ZDHHC6: variants seen among roughly 807,000 people sequenced by gnomAD.
The protein encoded by ZDHHC6 is zDHHC palmitoyltransferase 6.
In ZDHHC6, 32 loss-of-function variants were observed where a neutral mutation model predicts 57.8. The observed-to-expected ratio is 0.55, with a 90% CI of 0.42 to 0.74. The LOEUF (loss-of-function observed/expected upper bound fraction) is 0.74, where lower values mean the gene tolerates loss of function less well. Ranked by LOEUF, ZDHHC6 falls within the 30% of genes least tolerant of loss-of-function variation. ZDHHC6 has a pLI of 0.00. For synonymous variants in ZDHHC6, 128 were observed against 158.0 expected, an observed-to-expected ratio of 0.81 and a Z score of 1.42; for missense variants, 433 against 500.7, an observed-to-expected ratio of 0.86 and a Z score of 1.29.
chr10:112,442,517 TTAAG>T (rs762549089), intron 3 of ZDHHC6, among the ~76,000 whole-genome samples, 166 bp from the exon 4 acceptor site: 1 of 152,164 alleles, frequency 6.6e-6, no homozygotes, highest in Non-Finnish European at 1.5e-5. Flanking sequence ...TTTTAAACAA[TTAAG>T]TGACTCCTTT....
At position 112,445,621 on chromosome 10, in the gene ZDHHC6, A is replaced by T; in HGVS notation, c.-185T>A. The T allele has an allele frequency of 1.4e-6, 1 of 691,326 alleles. No homozygotes were observed. Among genetic ancestry groups the T allele is most frequent in the Non-Finnish European group, 2.3e-6 (1 of 429,926 alleles). 42.8% of individuals were successfully genotyped at this position (691,326 alleles called of 1,614,324 possible). A position where few individuals can be genotyped will look rare whatever the true frequency, so the allele number is the denominator to read the frequency against. On this transcript the variant is annotated 5_prime_UTR_variant, in exon 2 of 11. Transcript: ENST00000369405. ...CCCAAAGCTCTTTATCTTAACTAGG[A>T]GAATCCAGTGTCTTGGTCTGAAACC... is the stretch of plus-strand genomic sequence containing the variant.
downstream of ZDHHC6, chr10:112,428,513 C>A (rs115029869): frequency 3.4e-3 from 1,348 of 397,844 alleles, 17 homozygotes; most frequent in African/African-American, 0.025. Context: ...TAAAAAGACA[C>A]TAATGCCCAG....
intron 3 of ZDHHC6, 77 bp downstream of exon 3, chr10:112,443,438 T>C (rs1846328791): frequency 1.9e-5 from 24 of 1,250,254 alleles, no homozygotes; most frequent in Non-Finnish European, 2.8e-5. Context: ...GAAGTAGCAC[T>C]AATGTAGTAT....
downstream of ZDHHC6, chr10:112,426,741 A>C (rs1259971521): frequency 3.9e-6 from 6 of 1,556,330 alleles, no homozygotes; most frequent in Non-Finnish European, 5.3e-6. Flanking sequence ...TTAGCCCTTC[A>C]GGCTTTTTGA....
At chr10:112,447,317 C>G, upstream of ZDHHC6, 1 of 1,570,566 alleles carries the variant, frequency 6.4e-7, no homozygotes, top group Non-Finnish European at 8.6e-7. Flanking sequence ...CTCGCTGCCC[C>G]TCGAGGCCCT....
chr10:112,441,905 T>C (rs1846153006), intron 4 of ZDHHC6, among the ~76,000 whole-genome samples: 2 of 152,252 alleles, frequency 1.3e-5, no homozygotes, highest in Non-Finnish European at 2.9e-5. Flanking sequence ...TTCTATTCTT[T>C]CCATAACTAT....
At chr10:112,438,195 A>G in intron 6 of ZDHHC6, 141 bp downstream of exon 6, 1 of 501,488 alleles carries the variant, frequency 2.0e-6, no homozygotes, top group East Asian at 4.6e-5. Flanking sequence ...GACTTACGGT[A>G]GCCATTTGGC....
chr10:112,433,236 T>C lies in ZDHHC6; in HGVS notation c.945+4A>G. The C allele has an allele frequency of 3.8e-6, 6 of 1,586,100 alleles. No individual in the cohort carries two copies. The highest frequency in any genetic ancestry group is 5.1e-6 in the Non-Finnish European group (6 of 1,169,488). On this transcript the variant is annotated splice_donor_region_variant and intron_variant, in intron 8 of 10. Coordinates refer to ENST00000369405, the MANE Select transcript of ZDHHC6 (RefSeq NM_022494.3). Reference sequence around the variant, plus strand: ...AAAATTACCACTGCAAAAGAAGTACTTACACTTCTGACTCTCTTATCTGCT... The same window carrying C: ...AAAATTACCACTGCAAAAGAAGTACCTACACTTCTGACTCTCTTATCTGCT...
At chr10:112,426,772 T>C (rs1050359686), downstream of ZDHHC6, 1 of 1,611,612 alleles carries the variant, frequency 6.2e-7, no homozygotes, top group East Asian at 2.2e-5. Flanking sequence ...CTTTAAGTGA[T>C]GTTTTGTATT....
At chr10:112,425,195 C>A in exon 12 of ZDHHC6, 1 of 691,526 alleles carries the variant, frequency 1.4e-6, no homozygotes, top group Non-Finnish European at 2.3e-6. Context: ...TCACCAAAGC[C>A]AAGAAAGAGA....
At chr10:112,428,590 T>G (rs776640297), downstream of ZDHHC6, among the ~76,000 whole-genome samples, 41 of 151,736 alleles carry the variant, frequency 2.7e-4, 1 homozygote, top group Non-Finnish European at 4.9e-4. Context: ...GCTACTATGG[T>G]GAAACCCCAT....
At chr10:112,446,463 G>C (rs1846738477) in intron 1 of ZDHHC6, 1 of 152,224 alleles carries the variant, frequency 6.6e-6, no homozygotes, top group Non-Finnish European at 1.5e-5. Context: ...GACTGGATCT[G>C]AAGATCTGGA....
chr10:112,435,799 T>C (rs1845472173), intron 6 of ZDHHC6, among the ~76,000 whole-genome samples: 1 of 152,202 alleles, frequency 6.6e-6, no homozygotes, highest in Non-Finnish European at 1.5e-5. Flanking sequence ...AAAGAAAAAC[T>C]GGTAAATATA....
At chr10:112,447,327 T>C (rs1375719541), upstream of ZDHHC6, 1 of 1,590,518 alleles carries the variant, frequency 6.3e-7, no homozygotes, top group South Asian at 1.1e-5. Context: ...CTCGAGGCCC[T>C]TTCCCTGACC....
At chr10:112,440,494 C>T (rs773795356) in intron 5 of ZDHHC6, 40 bp downstream of exon 5, 23 of 1,582,210 alleles carry the variant, frequency 1.5e-5, no homozygotes, top group Non-Finnish European at 1.8e-5. Context: ...TCAGTCCCAA[C>T]AACTTGACAC....
At chr10:112,439,628 T>TTA (rs1845894375) in intron 5 of ZDHHC6, among the ~76,000 whole-genome samples, 2 of 31,298 alleles carry the variant, frequency 6.4e-5, no homozygotes, top group African/African-American at 3.3e-4. Flanking sequence ...AGACTCCGTC[T>TTA]AAAAAAAAAA....
chr10:112,433,828 A>G (rs1014374858), intron 7 of ZDHHC6, among the ~76,000 whole-genome samples: 3 of 152,234 alleles, frequency 2.0e-5, no homozygotes, highest in Non-Finnish European at 4.4e-5. Flanking sequence ...AAATAAAAAT[A>G]TGAGACTTCA....
chr10:112,443,109 ATGTT>A (rs1365204106), intron 3 of ZDHHC6, among the ~76,000 whole-genome samples: 1 of 152,154 alleles, frequency 6.6e-6, no homozygotes, highest in Non-Finnish European at 1.5e-5. Context: ...TAAAGTGTAA[ATGTT>A]TGTCAATAAG....
chr10:112,432,506 T>C lies in ZDHHC6; in HGVS notation c.961A>G (p.Ile321Val). 1 of 1,613,826 alleles carries C rather than the reference T, an allele frequency of 6.2e-7. No individual in the cohort carries two copies. Among genetic ancestry groups the C allele is most frequent in the Non-Finnish European group, 8.5e-7 (1 of 1,179,904 alleles). ...KRVRSVRYKV[I>V]EDYSGACCPL... ...CAGCAGGCACCACTATAATCTTCTA[T>C]TACTTTATAGCGAACCTGTCGTCAG... Residue 321 changes from isoleucine to valine, a missense_variant, in exon 9 of 11, where the codon ATA becomes GTA. Coordinates refer to ENST00000369405, the MANE Select transcript of ZDHHC6 (RefSeq NM_022494.3).
Sources: allele counts gnomAD v4.1 joint callset (sites outside exome capture counted in the v4.1 genomes callset), GRCh38; gene constraint gnomAD v4.1.1; transcripts MANE v1.5; gene names NCBI Gene and HGNC (gene_info 2026-07-23, HGNC 2026-07-21).